Variants in PPP2R2B observed in about 807,000 individuals in gnomAD.
PPP2R2B encodes the protein serine/threonine-protein phosphatase 2A 55 kDa regulatory subunit B beta isoform.
PPP2R2B carries 5 observed loss-of-function variants against 46.0 expected under a neutral mutation model. The ratio of observed to expected loss-of-function variants is 0.11; its 90% CI spans 0.06 to 0.23. PPP2R2B has a LOEUF of 0.23. PPP2R2B is among the 10% of genes least tolerant of loss of function. The pLI is 1.00. For synonymous variants in PPP2R2B, 215 were observed against 206.7 expected, an observed-to-expected ratio of 1.04 and a Z score of -0.34; for missense variants, 367 against 575.0, an observed-to-expected ratio of 0.64 and a Z score of 3.70.
chr5:146,903,391 CT>C (rs58777308), intron 1 of PPP2R2B, among the ~76,000 whole-genome samples: 114 of 120,828 alleles, frequency 9.4e-4, no homozygotes, highest in Middle Eastern at 4.3e-3. Context: ...CTTTCTTTCT[CT>C]TTTTTTTTTT....
chr5:147,003,901 C>T lies in PPP2R2B; in HGVS notation c.79+51764G>A, dbSNP rs182223586. 5.9e-4 allele frequency among the ~76,000 whole-genome samples: 90 copies of T among 152,244 alleles called. 1 individual carries two copies. Among genetic ancestry groups the T allele is most frequent in the African/African-American group, 2.0e-3 (84 of 41,548 alleles). On this transcript the variant is annotated intron_variant, in intron 1 of 8. Transcript: ENST00000336640. ...CCTGTCCCCCAACTCACTCGAGGGT[C>T]AATTGATTCTAAAAGATAAATTTAT...
intron 2 of PPP2R2B, among the ~76,000 whole-genome samples, chr5:146,749,154 G>C (rs970724548): frequency 6.6e-6 from 1 of 152,166 alleles, no homozygotes; most frequent in Non-Finnish European, 1.5e-5. Context: ...CTTAATGGCT[G>C]ATAGTGTTAA....
intron 1 of PPP2R2B, among the ~76,000 whole-genome samples, chr5:146,996,524 C>T (rs1753929448): frequency 1.3e-5 from 2 of 152,240 alleles, no homozygotes; most frequent in South Asian, 2.1e-4. Context: ...CACTAGGCAG[C>T]TCCTGAAGAT....
In PPP2R2B at chr5:147,041,824, G is replaced by A. The variant is rs189372870; in HGVS notation, c.79+13841C>T. ...ACCTCAGTGACAAAGCTTTGTTGAT[G>A]ACAGTGTAATGCCCAACCTTGTTTT... is the stretch of plus-strand genomic sequence containing the variant. On this transcript the variant is annotated intron_variant, in intron 1 of 8. Coordinates refer to the PPP2R2B transcript ENST00000336640. Among the ~76,000 whole-genome samples, 9 of 150,248 alleles carry A rather than the reference G, an allele frequency of 6.0e-5. No homozygotes were observed. In the East Asian group the frequency reaches 1.7e-3, roughly 29 times the overall value.
intron 2 of PPP2R2B, among the ~76,000 whole-genome samples, chr5:146,873,450 A>T (rs1234626692): frequency 6.6e-6 from 1 of 152,100 alleles, no homozygotes; most frequent in Non-Finnish European, 1.5e-5. Flanking sequence ...TCATCTTTGG[A>T]TAGAGTCCAA....
Position 147,067,772 on chromosome 5 carries a change from G to C in PPP2R2B, c.50+13287C>G, listed in dbSNP as rs145427939. On this transcript the variant is annotated intron_variant, in intron 2 of 10. Transcript: ENST00000394413. ...ATGCTATGAATCTAAGTGTTTAATC[G>C]CACAGTTACCTATTTGTTCATTAAC... Among the ~76,000 whole-genome samples, 7 of 152,168 alleles carry C rather than the reference G, an allele frequency of 4.6e-5. No individual in the cohort carries two copies. In the East Asian group the frequency reaches 1.4e-3, roughly 29 times the overall value.
chr5:146,921,785 C>T (rs1459748504), intron 1 of PPP2R2B, among the ~76,000 whole-genome samples: 1 of 152,188 alleles, frequency 6.6e-6, no homozygotes, highest in Non-Finnish European at 1.5e-5. Flanking sequence ...CCTAGAAAGG[C>T]ATCTTAAGAA....
intron 2 of PPP2R2B, among the ~76,000 whole-genome samples, chr5:146,733,552 T>G (rs1258513038): frequency 6.6e-6 from 1 of 152,210 alleles, no homozygotes; most frequent in African/African-American, 2.4e-5. Context: ...AGCTTGAGAC[T>G]AGAGAGAGAA....
At chr5:146,975,050 C>T (rs1233122515) in intron 1 of PPP2R2B, among the ~76,000 whole-genome samples, 1 of 151,994 alleles carries the variant, frequency 6.6e-6, no homozygotes, top group African/African-American at 2.4e-5. Context: ...ATAGAATGTA[C>T]CATTTAAATA....
chr5:146,685,596 C>T (rs1233679952), intron 5 of PPP2R2B, among the ~76,000 whole-genome samples: 3 of 152,204 alleles, frequency 2.0e-5, no homozygotes, highest in South Asian at 4.1e-4. Context: ...AGGAAGTCCT[C>T]ATTCAGGAGT....
intron 2 of PPP2R2B, among the ~76,000 whole-genome samples, chr5:146,808,992 T>C (rs1022611477): frequency 1.2e-4 from 16 of 136,184 alleles, no homozygotes; most frequent in East Asian, 2.2e-4. Context: ...TGTGTGTGTG[T>C]GTGCGCGCGC....
intron 2 of PPP2R2B, among the ~76,000 whole-genome samples, chr5:146,744,609 T>C (rs1753065186): frequency 6.6e-6 from 1 of 152,206 alleles, no homozygotes; most frequent in Admixed American, 6.5e-5. Context: ...AGCACTGGGA[T>C]ATGAGCCAGG....
At chr5:146,903,837 C>A (rs1762916517) in intron 1 of PPP2R2B, among the ~76,000 whole-genome samples, 1 of 152,082 alleles carries the variant, frequency 6.6e-6, no homozygotes, top group Non-Finnish European at 1.5e-5. Flanking sequence ...TTCTCTACAG[C>A]AAAATGGGGA....
intron 1 of PPP2R2B, among the ~76,000 whole-genome samples, chr5:147,024,514 A>G (rs569193620): frequency 6.6e-6 from 1 of 152,304 alleles, no homozygotes; most frequent in African/African-American, 2.4e-5. Flanking sequence ...ACCTAAAAAA[A>G]TACACATTTT....
intron 2 of PPP2R2B, chr5:146,707,459 C>T (rs1040728281): frequency 4.1e-5 from 31 of 759,508 alleles, no homozygotes; most frequent in Middle Eastern, 2.9e-4. Flanking sequence ...CCATAGGCCA[C>T]CCCGGAAGCT....
intron 1 of PPP2R2B, among the ~76,000 whole-genome samples, chr5:147,055,274 C>G (rs939622571): frequency 6.6e-6 from 1 of 152,202 alleles, no homozygotes; most frequent in Non-Finnish European, 1.5e-5. Flanking sequence ...ACCAAGTTAT[C>G]AAACAGACAG....
At chr5:146,747,245 C>T (rs1256593151) in intron 2 of PPP2R2B, among the ~76,000 whole-genome samples, 1 of 152,168 alleles carries the variant, frequency 6.6e-6, no homozygotes, top group African/African-American at 2.4e-5. Flanking sequence ...AGCTGTGAGA[C>T]CATCCTGGGG....
At position 146,637,413 on chromosome 5, in the gene PPP2R2B, T is replaced by A. The variant is rs1156437452; in HGVS notation, c.790+838A>T. ...ATCCTACAATGTATAGGACAGCCCC[T>A]TCCCCGAAACAAAAATCTATGTAGC... is the stretch of plus-strand genomic sequence containing the variant. On this transcript the variant is annotated intron_variant, in intron 7 of 9. Transcript: ENST00000394411. Among the ~76,000 whole-genome samples, 3 of 152,188 alleles carry A rather than the reference T, an allele frequency of 2.0e-5. No individual in the cohort carries two copies. In the East Asian group the frequency reaches 5.8e-4, roughly 29 times the overall value.
chr5:146,923,020 G>A lies in PPP2R2B; in HGVS notation c.79+132645C>T, dbSNP rs142087016. On this transcript the variant is annotated intron_variant, in intron 1 of 8. Coordinates refer to the PPP2R2B transcript ENST00000336640. ...GTCATAGGAAGCCAAGAAGAAAAAT[G>A]GAAAAAAGTATTTCATTTGATGACA... 1.1e-3 allele frequency among the ~76,000 whole-genome samples: 160 copies of A among 152,230 alleles called. 1 individual carries two copies. Among genetic ancestry groups the A allele is most frequent in the African/African-American group, 3.5e-3 (147 of 41,552 alleles).
Sources: gnomAD v4.1 joint callset for allele counts (sites outside exome capture counted in the v4.1 genomes callset) on GRCh38, gnomAD v4.1.1 for gene constraint, MANE v1.5 for transcripts, NCBI Gene and HGNC (gene_info 2026-07-23, HGNC 2026-07-21) for gene names.